MICAL2: variants seen among roughly 807,000 people sequenced by gnomAD.
The protein encoded by MICAL2 is microtubule associated monooxygenase, calponin and LIM domain containing 2, also known as [F-actin]-monooxygenase MICAL2.
A neutral mutation model predicts 127.3 loss-of-function variants in MICAL2; 77 were observed. The ratio of observed to expected loss-of-function variants is 0.60; its 90% CI spans 0.50 to 0.73. The LOEUF is 0.73. MICAL2 is among the 30% of genes least tolerant of loss of function. The probability of loss-of-function intolerance (pLI) is 0.00; values close to 1 mark genes in which losing one functional copy is unlikely to be tolerated. For synonymous variants in MICAL2, 570 were observed against 551.1 expected (o/e 1.03, Z -0.48); for missense variants, 1,351 against 1,434.4 (o/e 0.94, Z 0.94).
At position 12,225,870 on chromosome 11, in the gene MICAL2, G is replaced by A. The variant is rs1020246276; in HGVS notation, c.1689-301G>A. 8 of 375,944 alleles carry A rather than the reference G, an allele frequency of 2.1e-5. No individual in the cohort carries two copies. In the East Asian group the frequency reaches 2.6e-4, roughly 12 times the overall value. 23.3% of individuals were successfully genotyped at this position (375,944 alleles called of 1,614,324 possible). A position where few individuals can be genotyped will look rare whatever the true frequency, so the allele number is the denominator to read the frequency against. ...TTGTAATTAAAAAGAAAAAAAGTAA[G>A]GGATATATTTAAAAGTAAAATAGCT... On this transcript the variant is annotated intron_variant, in intron 13 of 27. Coordinates refer to ENST00000683283, the MANE Select transcript of MICAL2 (RefSeq NM_001282663.2).
intron 32 of MICAL2, among the ~76,000 whole-genome samples, chr11:12,329,134 G>T (rs989711689): frequency 6.6e-6 from 1 of 152,226 alleles, no homozygotes; most frequent in Non-Finnish European, 1.5e-5. Flanking sequence ...GCATGGAGCA[G>T]ATGATTAATC....
At chr11:12,309,419 A>G (rs942419787) in intron 29 of MICAL2, among the ~76,000 whole-genome samples, 2 of 152,146 alleles carry the variant, frequency 1.3e-5, no homozygotes, top group Admixed American at 1.3e-4. Context: ...TGTGTAAGTG[A>G]TAATATGTGA....
chr11:12,306,436 A>G (rs894375353), intron 29 of MICAL2, among the ~76,000 whole-genome samples: 1 of 152,080 alleles, frequency 6.6e-6, no homozygotes, highest in Non-Finnish European at 1.5e-5. Flanking sequence ...GAATTCATCT[A>G]CTCTACCAAA....
At chr11:12,204,070 T>A (rs10430878) in intron 3 of MICAL2, among the ~76,000 whole-genome samples, 180 bp from the exon 4 acceptor site, 32,561 of 152,126 alleles carry the variant, frequency 0.21, 6,799 homozygotes, top group African/African-American at 0.53. Flanking sequence ...TGGTGCGTGG[T>A]AGGCCCACAG....
At chr11:12,243,825 C>T (rs537227420) in intron 20 of MICAL2, among the ~76,000 whole-genome samples, 162 bp from the exon 21 acceptor site, 2 of 152,342 alleles carry the variant, frequency 1.3e-5, no homozygotes, top group East Asian at 3.9e-4. Flanking sequence ...CCAGATAATC[C>T]TTTCTGGCTC....
At chr11:12,257,872 G>A (rs902104236) in intron 24 of MICAL2, among the ~76,000 whole-genome samples, 13 of 152,290 alleles carry the variant, frequency 8.5e-5, no homozygotes, top group African/African-American at 2.6e-4. Flanking sequence ...CTGGGCAGTG[G>A]CAGTTTCCCA....
intron 3 of MICAL2, among the ~76,000 whole-genome samples, chr11:12,170,033 T>C (rs1856038654): frequency 6.6e-6 from 1 of 152,100 alleles, no homozygotes; most frequent in Non-Finnish European, 1.5e-5. Context: ...TGAAGAGCAG[T>C]GCAGCAGTGA....
intron 1 of MICAL2, among the ~76,000 whole-genome samples, chr11:12,124,139 G>T (rs1850722831): frequency 1.3e-5 from 2 of 152,070 alleles, no homozygotes; most frequent in African/African-American, 4.8e-5. Flanking sequence ...GATTCAGAAT[G>T]ATCATTCCTG....
intron 1 of MICAL2, among the ~76,000 whole-genome samples, chr11:12,120,042 C>T (rs1850377660): frequency 6.6e-6 from 1 of 152,188 alleles, no homozygotes; most frequent in Non-Finnish European, 1.5e-5. Flanking sequence ...GACAGAGCCT[C>T]ATCCTCCCTT....
Position 12,244,079 on chromosome 11 carries a change from A to G in MICAL2, c.2751A>G (p.Pro917=), listed in dbSNP as rs1369949808. 5 of 1,614,052 alleles carry G rather than the reference A, an allele frequency of 3.1e-6. No individual in the cohort carries two copies. The highest frequency in any genetic ancestry group is 4.2e-6 in the Non-Finnish European group (5 of 1,179,982). Residue 917 remains proline (P), a synonymous_variant, in exon 21 of 28, where the codon CCA becomes CCG. Transcript: ENST00000683283. ...CTGATCCAGCTGCTTCTTCCTCTCC[A>G]TCAACTGTTGACTCTGCTTCTCCTG... ...PSPDPAASSS[P]STVDSASPAR... is the part of the protein sequence containing the mutation.
At chr11:12,313,005 A>G (rs1178071389) in intron 29 of MICAL2, among the ~76,000 whole-genome samples, 4 of 151,934 alleles carry the variant, frequency 2.6e-5, no homozygotes, top group African/African-American at 7.3e-5. Context: ...TCTCTACTAA[A>G]AAAAATACAA....
intron 2 of MICAL2, among the ~76,000 whole-genome samples, chr11:12,144,653 G>A (rs1207361176): frequency 6.6e-6 from 1 of 152,142 alleles, no homozygotes; most frequent in Non-Finnish European, 1.5e-5. Context: ...TACCAAGTAG[G>A]CAAATGTTAT....
chr11:12,165,825 A>G (rs1855445812), intron 3 of MICAL2, among the ~76,000 whole-genome samples: 1 of 152,252 alleles, frequency 6.6e-6, no homozygotes, highest in Non-Finnish European at 1.5e-5. Context: ...GTGGCCTGAG[A>G]GCTCTCTAGA....
At chr11:12,255,364 T>C in intron 22 of MICAL2, 1 of 433,220 alleles carries the variant, frequency 2.3e-6, no homozygotes, top group South Asian at 2.5e-5. Flanking sequence ...ACTGTTCTAC[T>C]GCCTGTCTCT....
chr11:12,259,973 AGGGACTCCT>A, intron 26 of MICAL2, 76 bp downstream of exon 26: 5 of 1,573,236 alleles, frequency 3.2e-6, no homozygotes, highest in Non-Finnish European at 4.3e-6. Flanking sequence ...AACTGGATGC[AGGGACTCCT>A]GCAAGCTGCT....
intron 32 of MICAL2, among the ~76,000 whole-genome samples, chr11:12,343,914 G>A (rs536332232): frequency 1.3e-5 from 2 of 152,156 alleles, no homozygotes; most frequent in South Asian, 2.1e-4. Context: ...GAGCTGTAAG[G>A]CCAGGTGAAA....
At chr11:12,217,512 C>T (rs1363736775) in intron 8 of MICAL2, among the ~76,000 whole-genome samples, 1 of 152,202 alleles carries the variant, frequency 6.6e-6, no homozygotes, top group Non-Finnish European at 1.5e-5. Flanking sequence ...GCGTCCCCTT[C>T]TTCCCTCTGC....
At chr11:12,354,647 A>G (rs1446485054) in intron 33 of MICAL2, 12 of 681,226 alleles carry the variant, frequency 1.8e-5, no homozygotes, top group Non-Finnish European at 2.8e-5. Context: ...AATAATTACA[A>G]TAAAAAATAA....
At chr11:12,326,941 C>T (rs1864359826) in intron 31 of MICAL2, among the ~76,000 whole-genome samples, 2 of 152,186 alleles carry the variant, frequency 1.3e-5, no homozygotes, top group South Asian at 4.1e-4. Flanking sequence ...TTAATGTCTA[C>T]TTAAGGGCCA....
Sources: allele counts gnomAD v4.1 joint callset (sites outside exome capture counted in the v4.1 genomes callset), GRCh38; gene constraint gnomAD v4.1.1; transcripts MANE v1.5; gene names NCBI Gene and HGNC (gene_info 2026-07-23, HGNC 2026-07-21).